Variants in CNBD1 observed in about 807,000 individuals in gnomAD.
CNBD1 encodes the protein cyclic nucleotide-binding domain-containing protein 1.
CNBD1 carries 71 observed loss-of-function variants against 54.4 expected under a neutral mutation model. The ratio of observed to expected loss-of-function variants is 1.30; its 90% CI spans 1.08 to 1.59. The LOEUF (loss-of-function observed/expected upper bound fraction) is 1.59. Among genes scored for constraint, CNBD1 ranks in the 40% most tolerant of loss-of-function variants. CNBD1 has a pLI of 0.00. For missense variants in CNBD1, 659 were observed against 518.0 expected (o/e 1.27, Z -2.64); for synonymous variants, 182 against 170.7 (o/e 1.07, Z -0.51).
chr8:87,410,652 G>A (rs1317164194), intron 2 of CNBD1, among the ~76,000 whole-genome samples: 1 of 152,160 alleles, frequency 6.6e-6, no homozygotes, highest in African/African-American at 2.4e-5. Flanking sequence ...TTGACTGACA[G>A]GATTTGGGAG....
chr8:87,016,414 C>A (rs1809356864), intron 4 of CNBD1, among the ~76,000 whole-genome samples: 1 of 148,002 alleles, frequency 6.8e-6, no homozygotes. Flanking sequence ...CTGTTTAAAA[C>A]TTGCTTTAAA....
At position 86,969,791 on chromosome 8, in the gene CNBD1, T is replaced by TACACACAC. The variant is rs371222397; in HGVS notation, c.431+30038_431+30039insCACACACA. ...TAAGGACTAGTGTTTTATATATATATATACACACACACACACACACACACA... is the reference window on the plus strand; with the variant it reads ...TAAGGACTAGTGTTTTATATATATATACACACACATACACACACACACACACACACACA... On this transcript the variant is annotated intron_variant, in intron 4 of 10. Transcript: ENST00000518476. Among the ~76,000 whole-genome samples, 70 of 53,766 alleles carry TACACACAC rather than the reference T, an allele frequency of 1.3e-3. No homozygotes were observed. In the East Asian group the frequency reaches 0.015, roughly 11 times the overall value. 35.3% of individuals were successfully genotyped at this position (53,766 alleles called of 152,430 possible).
chr8:87,038,734 A>C (rs1214634016), intron 4 of CNBD1, among the ~76,000 whole-genome samples: 1 of 152,186 alleles, frequency 6.6e-6, no homozygotes, highest in Non-Finnish European at 1.5e-5. Context: ...ATTATAAACT[A>C]AATGTCTTCC....
rs868472937 is a variant in CNBD1 at position 87,341,951 on chromosome 8, C to T, written c.1043-9734C>T. 3.2e-4 allele frequency among the ~76,000 whole-genome samples: 49 copies of T among 152,286 alleles called. 1 individual carries two copies. The highest frequency in any genetic ancestry group is 1.9e-3 in the Admixed American group (29 of 15,290). Reference sequence around the variant, plus strand: ...CATGTTCACTCAGATACAGAAGCCTCTTAATGGATTTCTGGGTTTCTTACA... The same window carrying T: ...CATGTTCACTCAGATACAGAAGCCTTTTAATGGATTTCTGGGTTTCTTACA... On this transcript the variant is annotated intron_variant, in intron 8 of 10. Transcript: ENST00000518476.
At chr8:87,030,268 C>A (rs1809752535) in intron 4 of CNBD1, among the ~76,000 whole-genome samples, 1 of 152,098 alleles carries the variant, frequency 6.6e-6, no homozygotes, top group Admixed American at 6.6e-5. Flanking sequence ...AAAACATAAA[C>A]ACTTTGACAG....
intron 4 of CNBD1, among the ~76,000 whole-genome samples, chr8:87,052,620 C>T (rs1305013264): frequency 6.6e-6 from 1 of 152,154 alleles, no homozygotes; most frequent in Non-Finnish European, 1.5e-5. Flanking sequence ...CTCTAATCCC[C>T]CTTCCAGTTT....
At chr8:87,400,753 A>G (rs760175587) in intron 2 of CNBD1, among the ~76,000 whole-genome samples, 12 of 151,990 alleles carry the variant, frequency 7.9e-5, no homozygotes, top group South Asian at 4.1e-4. Flanking sequence ...AAAAAAAATT[A>G]CTTATCCTCT....
intron 6 of CNBD1, among the ~76,000 whole-genome samples, chr8:87,254,234 A>C (rs896162324): frequency 6.6e-6 from 1 of 152,174 alleles, no homozygotes; most frequent in Non-Finnish European, 1.5e-5. Context: ...ACTCCCACTA[A>C]GCAAGCCTGA....
At chr8:87,016,955 C>T (rs758063482) in intron 4 of CNBD1, among the ~76,000 whole-genome samples, 6 of 152,164 alleles carry the variant, frequency 3.9e-5, no homozygotes, top group Non-Finnish European at 8.8e-5. Flanking sequence ...CCACCTAATA[C>T]GTCTGTTACC....
intron 6 of CNBD1, among the ~76,000 whole-genome samples, chr8:87,277,854 A>T (rs1272966559): frequency 6.6e-6 from 1 of 150,804 alleles, no homozygotes; most frequent in Non-Finnish European, 1.5e-5. Context: ...ATGTCAAAAC[A>T]CAAGACAACA....
At chr8:87,235,495 G>A (rs1374168927) in intron 5 of CNBD1, among the ~76,000 whole-genome samples, 1 of 152,046 alleles carries the variant, frequency 6.6e-6, no homozygotes, top group Non-Finnish European at 1.5e-5. Flanking sequence ...GTGTTTCAGG[G>A]AGTAGAAAGG....
intron 5 of CNBD1, among the ~76,000 whole-genome samples, chr8:87,228,235 T>A (rs1814556885): frequency 6.6e-6 from 1 of 150,872 alleles, no homozygotes; most frequent in Non-Finnish European, 1.5e-5. Context: ...CCTTCTTCTC[T>A]CAGCTCGTCA....
At chr8:87,310,148 A>G (rs1312244312) in intron 8 of CNBD1, among the ~76,000 whole-genome samples, 1 of 152,108 alleles carries the variant, frequency 6.6e-6, no homozygotes, top group Non-Finnish European at 1.5e-5. Flanking sequence ...TGAGCCCAGG[A>G]GTGTATGACC....
intron 6 of CNBD1, among the ~76,000 whole-genome samples, chr8:87,259,803 A>AG (rs1808098455): frequency 6.6e-6 from 1 of 152,120 alleles, no homozygotes; most frequent in African/African-American, 2.4e-5. Context: ...AGACTGTGAG[A>AG]GTTTGAATAA....
intron 8 of CNBD1, among the ~76,000 whole-genome samples, chr8:87,341,369 T>C (rs1037716095): frequency 1.3e-5 from 2 of 152,262 alleles, no homozygotes; most frequent in Admixed American, 6.5e-5. Flanking sequence ...AGTGTGAACA[T>C]TGAATGTATG....
chr8:87,328,298 TTTCTGGG>T (rs1455672992), intron 8 of CNBD1, among the ~76,000 whole-genome samples: 1 of 152,098 alleles, frequency 6.6e-6, no homozygotes, highest in Non-Finnish European at 1.5e-5. Context: ...TGTGTGAATT[TTTCTGGG>T]CTTTTTATTA....
intron 4 of CNBD1, among the ~76,000 whole-genome samples, chr8:87,073,135 G>A (rs187829948): frequency 1.7e-4 from 26 of 151,826 alleles, no homozygotes; most frequent in Non-Finnish European, 2.2e-4. Context: ...GAATTGTGAA[G>A]TTCTCAGGTC....
chr8:87,084,645 C>T (rs748642890), intron 4 of CNBD1, among the ~76,000 whole-genome samples: 8 of 151,358 alleles, frequency 5.3e-5, no homozygotes, highest in South Asian at 2.1e-4. Flanking sequence ...CTTTAGTCTT[C>T]GTATGATGTA....
chr8:87,226,076 C>T lies in CNBD1; in HGVS notation c.578-10843C>T, dbSNP rs537755103. Among the ~76,000 whole-genome samples, 423 of 152,112 alleles carry T rather than the reference C, an allele frequency of 2.8e-3. 2 individuals carry two copies. The highest frequency in any genetic ancestry group is 9.0e-3 in the African/African-American group (373 of 41,466). ...ATGGTAGTTTGTATTTCTGTGGGATCGGTGGTGATATCCCCTTTACCATTT... is the reference window on the plus strand; with the variant it reads ...ATGGTAGTTTGTATTTCTGTGGGATTGGTGGTGATATCCCCTTTACCATTT... On this transcript the variant is annotated intron_variant, in intron 5 of 10. Coordinates refer to ENST00000518476, the MANE Select transcript of CNBD1 (RefSeq NM_173538.3).
Sources: gnomAD v4.1 joint callset for allele counts (sites outside exome capture counted in the v4.1 genomes callset) on GRCh38, gnomAD v4.1.1 for gene constraint, MANE v1.5 for transcripts, NCBI Gene and HGNC (gene_info 2026-07-23, HGNC 2026-07-21) for gene names.